SOCS5: variants seen among roughly 807,000 people sequenced by gnomAD.
SOCS5 encodes CIS-6.
SOCS5 carries 32 observed loss-of-function variants against 42.8 expected under a neutral mutation model. That is an observed-to-expected ratio of 0.75 (90% confidence interval 0.56 to 1.01). The LOEUF (loss-of-function observed/expected upper bound fraction) is 1.01. SOCS5 is among the 50% of genes least tolerant of loss of function. The pLI is 0.00. For synonymous variants in SOCS5, 283 were observed against 229.6 expected (o/e 1.23, Z -2.10); for missense variants, 627 against 653.0 (o/e 0.96, Z 0.43).
chr2:46,746,133 T>C (rs1387797443), intron 1 of SOCS5, among the ~76,000 whole-genome samples: 3 of 151,660 alleles, frequency 2.0e-5, no homozygotes, highest in Non-Finnish European at 1.5e-5. Context: ...TGGAGAAAGG[T>C]AGACTGTTTA....
chr2:46,736,280 C>T (rs943426460), intron 1 of SOCS5, among the ~76,000 whole-genome samples: 28 of 152,008 alleles, frequency 1.8e-4, no homozygotes, highest in South Asian at 2.1e-4. Context: ...TGGGCCCAAG[C>T]GATCCTCCTG....
intron 1 of SOCS5, among the ~76,000 whole-genome samples, chr2:46,713,082 A>T (rs954976107): frequency 6.6e-6 from 1 of 152,238 alleles, no homozygotes; most frequent in Admixed American, 6.5e-5. Flanking sequence ...TAGGCCCAGC[A>T]TGGTGGCTCA....
chr2:46,700,378 C>G (rs1442750475), intron 1 of SOCS5, among the ~76,000 whole-genome samples: 1 of 152,150 alleles, frequency 6.6e-6, no homozygotes, highest in Non-Finnish European at 1.5e-5. Context: ...CATAACTACA[C>G]CTTGAAATTC....
chr2:46,742,953 C>T (rs1353860484), intron 1 of SOCS5, among the ~76,000 whole-genome samples: 1 of 152,114 alleles, frequency 6.6e-6, no homozygotes, highest in Non-Finnish European at 1.5e-5. Flanking sequence ...CATGAGGTTC[C>T]ACGCCTGGCC....
Position 46,760,080 on chromosome 2 carries a change from A to T in SOCS5, c.1550A>T (p.Tyr517Phe). 1 of 1,614,054 alleles carries T rather than the reference A, an allele frequency of 6.2e-7. No homozygotes were observed. Among genetic ancestry groups the T allele is most frequent in the Non-Finnish European group, 8.5e-7 (1 of 1,179,950 alleles). ...ATGTTACAGGATTTTTTAAAAGAGT[A>T]TCATTATAAACAAAAAGTTAGAGTT... The part of the protein sequence containing the change: ...PSMLQDFLKE[Y>F]HYKQKVRVRW... Residue 517 changes from tyrosine to phenylalanine, a missense_variant, in exon 2 of 2, where the codon TAT becomes TTT. Physicochemically the swap from Tyr to Phe is conservative, Grantham distance 22 (BLOSUM62 3). Transcript: ENST00000394861.
chr2:46,713,552 C>A (rs1024124360), intron 1 of SOCS5, among the ~76,000 whole-genome samples: 1 of 151,640 alleles, frequency 6.6e-6, no homozygotes, highest in African/African-American at 2.4e-5. Flanking sequence ...CCTTTTTTCC[C>A]CTTGATTAAT....
rs1193384670 is a variant in SOCS5, at chr2:46,759,871, T to G, written c.1341T>G (p.Phe447Leu). Residue 447 changes from phenylalanine (F) to leucine (L), a missense_variant, in exon 2 of 2, where the codon TTT becomes TTG. Transcript: ENST00000394861. ...FSFDAHDPCVFHSSTVTGLLE... is the reference protein window; with the variant it reads ...FSFDAHDPCVLHSSTVTGLLE... The stretch of plus-strand genomic sequence containing the variant: ...TCGACGCCCATGACCCGTGTGTATT[T>G]CACTCCTCCACTGTAACGGGACTTT... 6.2e-7 allele frequency: 1 copy of G among 1,614,194 alleles called. No individual in the cohort carries two copies.
chr2:46,704,647 A>G (rs1198133010), intron 1 of SOCS5, among the ~76,000 whole-genome samples: 1 of 152,186 alleles, frequency 6.6e-6, no homozygotes, highest in Non-Finnish European at 1.5e-5. Context: ...CAGGTCTTGT[A>G]AGCCTCATCA....
At chr2:46,746,471 G>A (rs1673497559) in intron 1 of SOCS5, among the ~76,000 whole-genome samples, 1 of 152,088 alleles carries the variant, frequency 6.6e-6, no homozygotes, top group African/African-American at 2.4e-5. Flanking sequence ...CTAACACGGT[G>A]AAAACCCGTC....
In SOCS5 at chr2:46,761,511, A is replaced by T. The variant is rs1161632952; in HGVS notation, c.*1370A>T. On this transcript the variant is annotated 3_prime_UTR_variant, in exon 2 of 2. Coordinates refer to ENST00000394861, the MANE Select transcript of SOCS5 (RefSeq NM_144949.3). ...TACAAAAAAGGAAAGCTATATTTGTATGCAACACTAACCTTTTGACTGCTA... is the reference window on the plus strand; with the variant it reads ...TACAAAAAAGGAAAGCTATATTTGTTTGCAACACTAACCTTTTGACTGCTA... 2 of 167,080 alleles carry T rather than the reference A, an allele frequency of 1.2e-5. No individual in the cohort carries two copies. The highest frequency in any genetic ancestry group is 2.4e-5 in the African/African-American group (1 of 41,474). 10.3% of individuals were successfully genotyped at this position (167,080 alleles called of 1,614,324 possible). A position where few individuals can be genotyped will look rare whatever the true frequency, so the allele number is the denominator to read the frequency against.
chr2:46,713,143 C>T (rs919946290), intron 1 of SOCS5, among the ~76,000 whole-genome samples: 3 of 152,104 alleles, frequency 2.0e-5, no homozygotes, highest in Admixed American at 6.5e-5. Flanking sequence ...ATCACTTGAG[C>T]CCAGAAGTTT....
intron 1 of SOCS5, among the ~76,000 whole-genome samples, chr2:46,710,861 G>A (rs538160113): frequency 1.2e-4 from 19 of 152,270 alleles, no homozygotes; most frequent in South Asian, 4.1e-4. Context: ...CTCCTTTTCC[G>A]TGGCTGCAGT....
chr2:46,750,805 G>T (rs895076137), intron 1 of SOCS5, among the ~76,000 whole-genome samples: 5 of 152,124 alleles, frequency 3.3e-5, no homozygotes, highest in African/African-American at 1.2e-4. Flanking sequence ...AATTAAAATA[G>T]AATAGGCTAG....
chr2:46,750,527 A>G (rs949911076), intron 1 of SOCS5, among the ~76,000 whole-genome samples: 1 of 152,110 alleles, frequency 6.6e-6, no homozygotes, highest in Non-Finnish European at 1.5e-5. Flanking sequence ...AACTTATTAA[A>G]CTCCATCCCT....
chr2:46,702,045 G>A (rs190865289), intron 1 of SOCS5, among the ~76,000 whole-genome samples: 1 of 151,840 alleles, frequency 6.6e-6, no homozygotes, highest in African/African-American at 2.4e-5. Flanking sequence ...CATGATCTTA[G>A]GCAAGTGATT....
chr2:46,704,534 T>A (rs12104869), intron 1 of SOCS5, among the ~76,000 whole-genome samples: 2,632 of 152,254 alleles, frequency 0.017, 88 homozygotes, highest in African/African-American at 0.06. Flanking sequence ...TTAGCCCTAG[T>A]GTAAATCCTG....
Position 46,759,995 on chromosome 2 carries a change from C to G in SOCS5, c.1465C>G (p.Arg489Gly). 1.9e-6 allele frequency: 3 copies of G among 1,614,104 alleles called. No homozygotes were observed. Among genetic ancestry groups the G allele is most frequent in the Non-Finnish European group, 2.5e-6 (3 of 1,180,008 alleles). Residue 489 changes from arginine to glycine, a missense_variant, in exon 2 of 2, where the codon CGC (arginine) becomes GGC (glycine). Around this residue, in one of 3 missense-constraint regions of SOCS5, gnomAD observed 340 missense variants for 367.6 expected, o/e 0.92. Transcript: ENST00000394861. ...CCCTTTTAGCCTGCAGTATATCTGT[C>G]GCGCGGTAATCTGCAGGTGCACTAC... ...TFPFSLQYICRAVICRCTTYD... is the reference protein window; with the variant it reads ...TFPFSLQYICGAVICRCTTYD...
At chr2:46,755,665 T>C (rs1243449642) in intron 1 of SOCS5, among the ~76,000 whole-genome samples, 2 of 152,188 alleles carry the variant, frequency 1.3e-5, no homozygotes, top group Non-Finnish European at 2.9e-5. Flanking sequence ...ATCAATGCAA[T>C]TGAAATTTAA....
intron 1 of SOCS5, among the ~76,000 whole-genome samples, chr2:46,700,689 T>C (rs944448770): frequency 1.1e-4 from 17 of 152,178 alleles, no homozygotes; most frequent in African/African-American, 4.1e-4. Flanking sequence ...TAATGTCAGT[T>C]GTTTAGTTTA....
Sources: gnomAD v4.1 joint callset for allele counts (sites outside exome capture counted in the v4.1 genomes callset) on GRCh38, gnomAD v4.1.1 for gene constraint, gnomAD v4.1.1 regional missense constraint, MANE v1.5 for transcripts, NCBI Gene and HGNC (gene_info 2026-07-23, HGNC 2026-07-21) for gene names.